The following ZBTB20 variants were observed in gnomAD, a reference collection of about 807,000 sequenced individuals.
The protein encoded by ZBTB20 is zinc finger and BTB domain containing 20.
A neutral mutation model predicts 56.9 loss-of-function variants in ZBTB20; 9 were observed. The ratio of observed to expected loss-of-function variants is 0.16; its 90% confidence interval spans 0.10 to 0.28. The LOEUF (loss-of-function observed/expected upper bound fraction) is 0.28, where lower values mean the gene tolerates loss of function less well. Among genes scored for constraint, ZBTB20 ranks in the 10% least tolerant of loss-of-function variants. The probability of loss-of-function intolerance (pLI) is 1.00; values close to 1 mark genes in which losing one functional copy is unlikely to be tolerated. For missense variants in ZBTB20, 655 were observed against 1,003.0 expected (o/e 0.65, Z 4.69); for synonymous variants, 417 against 420.7 (o/e 0.99, Z 0.11).
In ZBTB20 at chr3:114,707,399, C is replaced by T. The variant is rs189105999; in HGVS notation, c.-342-13824G>A. ...AAGCAATTCCCTACCCCCAATCACA[C>T]CTCCTTTAAGCATGACAAAGTCCAC... On this transcript the variant is annotated intron_variant, in intron 5 of 11. Transcript: ENST00000675478. 3.7e-4 allele frequency among the ~76,000 whole-genome samples: 57 copies of T among 152,256 alleles called. No homozygotes were observed. In the East Asian group the frequency reaches 4.8e-3, roughly 13 times the overall value.
At chr3:114,675,328 G>GT (rs1017336248) in intron 6 of ZBTB20, among the ~76,000 whole-genome samples, 35 of 113,888 alleles carry the variant, frequency 3.1e-4, no homozygotes, top group East Asian at 1.2e-3. Flanking sequence ...AGGTTACTGT[G>GT]TTTTTTTTGC....
intron 6 of ZBTB20, among the ~76,000 whole-genome samples, chr3:114,591,460 T>C (rs955431126): frequency 2.6e-5 from 4 of 152,120 alleles, no homozygotes; most frequent in African/African-American, 9.7e-5. Flanking sequence ...TAATGAAAAA[T>C]ATAAGACTTA....
At chr3:114,780,182 T>C (rs1420683995) in intron 5 of ZBTB20, among the ~76,000 whole-genome samples, 1 of 152,206 alleles carries the variant, frequency 6.6e-6, no homozygotes, top group Non-Finnish European at 1.5e-5. Context: ...ATCAAACATG[T>C]AGATCATGGA....
rs146599056 is a variant in ZBTB20 at position 115,127,240 on chromosome 3, G to A, written c.-703+19979C>T. Among the ~76,000 whole-genome samples the A allele has an allele frequency of 1.9e-3, 285 of 152,236 alleles. 1 individual carries two copies. Among genetic ancestry groups the A allele is most frequent in the African/African-American group, 6.1e-3 (254 of 41,538 alleles). ...ACAATAAACGTCAAGCCTTGTTAAT[G>A]CAAAAGTTTAAACAAGTAAGCATTT... On this transcript the variant is annotated intron_variant, in intron 1 of 11. Transcript: ENST00000675478.
intron 6 of ZBTB20, among the ~76,000 whole-genome samples, chr3:114,622,710 C>T (rs1022944103): frequency 6.6e-6 from 1 of 152,180 alleles, no homozygotes; most frequent in Admixed American, 6.5e-5. Flanking sequence ...GATCGCTGTA[C>T]CTACTTGGAC....
intron 7 of ZBTB20, among the ~76,000 whole-genome samples, chr3:114,433,998 A>C (rs1205296779): frequency 6.6e-6 from 1 of 152,184 alleles, no homozygotes; most frequent in East Asian, 1.9e-4. Context: ...CCCCATAATT[A>C]ATGTTTATCA....
At chr3:114,779,422 A>G (rs1398144654) in intron 5 of ZBTB20, among the ~76,000 whole-genome samples, 3 of 152,122 alleles carry the variant, frequency 2.0e-5, no homozygotes, top group Non-Finnish European at 4.4e-5. Flanking sequence ...TCTTAGTTCT[A>G]TCACCCCTGG....
chr3:114,624,871 A>G (rs1318792345), intron 6 of ZBTB20: 1 of 152,632 alleles, frequency 6.6e-6, no homozygotes, highest in Admixed American at 6.6e-5. Flanking sequence ...TGTTTTATCT[A>G]CTTACTCTTT....
intron 3 of ZBTB20, among the ~76,000 whole-genome samples, chr3:114,919,658 T>C (rs12106903): frequency 0.16 from 24,549 of 151,636 alleles, 2,511 homozygotes; most frequent in African/African-American, 0.27. Context: ...TGAGCCAAGA[T>C]TGTACCACTG....
chr3:114,720,236 T>C (rs2064821639), intron 5 of ZBTB20, among the ~76,000 whole-genome samples: 1 of 149,176 alleles, frequency 6.7e-6, no homozygotes, highest in Non-Finnish European at 1.5e-5. Context: ...CAAGGTGTAG[T>C]CTCTATTATC....
At chr3:114,727,730 T>C (rs2065415372) in intron 5 of ZBTB20, among the ~76,000 whole-genome samples, 1 of 152,190 alleles carries the variant, frequency 6.6e-6, no homozygotes, top group South Asian at 2.1e-4. Flanking sequence ...AGGTCAAAAT[T>C]GGATTTAAAA....
chr3:115,110,007 C>T (rs1051125618), intron 1 of ZBTB20, among the ~76,000 whole-genome samples: 1 of 151,878 alleles, frequency 6.6e-6, no homozygotes, highest in Non-Finnish European at 1.5e-5. Context: ...GTCAAGAGTT[C>T]GCAACCAGCC....
chr3:114,826,017 A>T (rs763450471), intron 4 of ZBTB20, among the ~76,000 whole-genome samples: 113 of 151,784 alleles, frequency 7.4e-4, no homozygotes, highest in Non-Finnish European at 2.1e-4. Context: ...AAGAACTGGG[A>T]ATAAAACTAT....
At chr3:114,916,190 T>C (rs2075736867) in intron 3 of ZBTB20, among the ~76,000 whole-genome samples, 1 of 152,136 alleles carries the variant, frequency 6.6e-6, no homozygotes, top group Non-Finnish European at 1.5e-5. Context: ...TCTATCTCTC[T>C]GTTAAGCTCT....
At chr3:114,854,786 A>G (rs2075164538) in intron 4 of ZBTB20, among the ~76,000 whole-genome samples, 1 of 152,200 alleles carries the variant, frequency 6.6e-6, no homozygotes, top group Admixed American at 6.5e-5. Context: ...TTTTTAATTG[A>G]AGCTTTATGA....
At chr3:114,992,004 G>A (rs1003017172) in intron 2 of ZBTB20, among the ~76,000 whole-genome samples, 4 of 151,430 alleles carry the variant, frequency 2.6e-5, no homozygotes, top group Non-Finnish European at 5.9e-5. Flanking sequence ...GTCTATGCAC[G>A]TTCTTATCTC....
intron 10 of ZBTB20, among the ~76,000 whole-genome samples, chr3:114,362,024 A>G (rs751380537): frequency 1.3e-5 from 2 of 152,166 alleles, no homozygotes; most frequent in Admixed American, 6.5e-5. Context: ...AAGGACTTAG[A>G]TTTAATGAGT....
chr3:114,690,404 G>A (rs947479232), intron 6 of ZBTB20, among the ~76,000 whole-genome samples: 20 of 152,030 alleles, frequency 1.3e-4, no homozygotes, highest in African/African-American at 4.8e-4. Flanking sequence ...TACACCTGTT[G>A]GACAACACAT....
In ZBTB20 at chr3:115,063,505, T is replaced by G. The variant is rs570832917; in HGVS notation, c.-507+7714A>C. On this transcript the variant is annotated intron_variant, in intron 2 of 11. Coordinates refer to ENST00000675478, the MANE Select transcript of ZBTB20 (RefSeq NM_001348800.3). ...GAGGGCCCCACCTTCATGGCCTAAT[T>G]ACCTACCAAAGGCCCCATGTACAAA... 1.3e-4 allele frequency among the ~76,000 whole-genome samples: 20 copies of G among 152,266 alleles called. No homozygotes were observed. In the South Asian group the frequency reaches 4.1e-3, roughly 32 times the overall value.
Sources: gnomAD v4.1 joint callset for allele counts (sites outside exome capture counted in the v4.1 genomes callset) on GRCh38, gnomAD v4.1.1 for gene constraint, MANE v1.5 for transcripts, NCBI Gene and HGNC (gene_info 2026-07-23, HGNC 2026-07-21) for gene names.